Variants in ACKR3 observed in about 807,000 individuals in gnomAD.
ACKR3 encodes atypical chemokine receptor 3, also known as C-X-C chemokine receptor type 7.
Under a neutral mutation model 22.4 loss-of-function variants are expected in ACKR3, and 6 were observed. That is an observed-to-expected ratio of 0.27 (90% CI 0.15 to 0.53). The LOEUF (loss-of-function observed/expected upper bound fraction) is 0.53, where lower values mean the gene tolerates loss of function less well. Ranked by LOEUF, ACKR3 falls within the 20% of genes least tolerant of loss-of-function variation. The probability of loss-of-function intolerance (pLI) is 0.96; values close to 1 mark genes in which losing one functional copy is unlikely to be tolerated. For missense variants in ACKR3, 396 were observed against 475.2 expected, an observed-to-expected ratio of 0.83 and a Z score of 1.55; for synonymous variants, 209 against 205.2, an observed-to-expected ratio of 1.02 and a Z score of -0.16.
chr2:236,544,518 T>A, the ACKR3 span, among the ~76,000 whole-genome samples: 1 of 152,184 alleles, frequency 6.6e-6, no homozygotes, highest in Non-Finnish European at 1.5e-5. This position sits in a 1 kb window ranked among gnomAD's most constrained non-coding sequence, Gnocchi z 5.0. Flanking sequence ...GGGGGGCTGC[T>A]GTGCGAGCAC....
At chr2:236,541,419 G>T in the ACKR3 span, among the ~76,000 whole-genome samples, 69 of 152,258 alleles carry the variant, frequency 4.5e-4, no homozygotes, top group African/African-American at 1.6e-3. Flanking sequence ...CCCTGTCCAA[G>T]AACTGGGATT....
At chr2:236,544,889 A>G in the ACKR3 span, among the ~76,000 whole-genome samples, 23 of 152,340 alleles carry the variant, frequency 1.5e-4, no homozygotes, top group African/African-American at 5.3e-4. This position sits in a 1 kb window ranked among gnomAD's most constrained non-coding sequence, Gnocchi z 5.0. Flanking sequence ...TATAGAAGAC[A>G]GAATATGGAG....
the ACKR3 span, among the ~76,000 whole-genome samples, chr2:236,554,635 T>C: frequency 6.6e-6 from 1 of 152,100 alleles, no homozygotes; most frequent in African/African-American, 2.4e-5. Flanking sequence ...CATGGGGAAG[T>C]GTCTCATTAG....
At chr2:236,542,324 G>T in the ACKR3 span, among the ~76,000 whole-genome samples, 1 of 152,192 alleles carries the variant, frequency 6.6e-6, no homozygotes, top group Non-Finnish European at 1.5e-5. Context: ...TCAAGGAGCA[G>T]ATTGTTAAAC....
chr2:236,564,740 T>A (rs552583837), upstream of ACKR3, among the ~76,000 whole-genome samples: 1 of 152,278 alleles, frequency 6.6e-6, no homozygotes, highest in East Asian at 1.9e-4. Flanking sequence ...TGTTTTTCTT[T>A]TAAGAATATA....
At chr2:236,556,399 C>T in the ACKR3 span, among the ~76,000 whole-genome samples, 2 of 151,996 alleles carry the variant, frequency 1.3e-5, no homozygotes, top group Non-Finnish European at 2.9e-5. Flanking sequence ...TGATTAAGTT[C>T]AGGGTCTTGA....
the ACKR3 span, among the ~76,000 whole-genome samples, chr2:236,550,601 G>A: frequency 6.6e-6 from 1 of 152,170 alleles, no homozygotes; most frequent in Non-Finnish European, 1.5e-5. The surrounding 1 kb of genome is among the most constrained non-coding windows in gnomAD (Gnocchi z 4.6). Context: ...CTCTCAGAGA[G>A]CAAATGAATC....
At position 236,574,375 on chromosome 2, in the gene ACKR3, G is replaced by T. The variant is rs374691130; in HGVS notation, c.-27+4451G>T. Among the ~76,000 whole-genome samples, 138 of 152,276 alleles carry T rather than the reference G, an allele frequency of 9.1e-4. 2 individuals carry two copies. Among genetic ancestry groups the T allele is most frequent in the African/African-American group, 3.1e-3 (129 of 41,566 alleles). On this transcript the variant is annotated intron_variant, in intron 1 of 1. Coordinates refer to ENST00000272928, the MANE Select transcript of ACKR3 (RefSeq NM_020311.3). This position sits in a 1 kb window ranked among gnomAD's most constrained non-coding sequence, Gnocchi z 5.6. ...CAAAGTTACAGAAGACTTGGTGGGG[G>T]GTGCGGGGCCTGGTAGGAATGAGGT...
chr2:236,564,749 T>C (rs1691145152), upstream of ACKR3, among the ~76,000 whole-genome samples: 2 of 152,218 alleles, frequency 1.3e-5, no homozygotes, highest in African/African-American at 2.4e-5. Context: ...TTTAAGAATA[T>C]ATTTTTTCTG....
the ACKR3 span, among the ~76,000 whole-genome samples, chr2:236,548,573 T>C: frequency 6.6e-6 from 1 of 152,196 alleles, no homozygotes; most frequent in South Asian, 2.1e-4. This position sits in a 1 kb window ranked among gnomAD's most constrained non-coding sequence, Gnocchi z 4.3. Flanking sequence ...TGATCTGACT[T>C]CTCAGCTTTG....
upstream of ACKR3, among the ~76,000 whole-genome samples, chr2:236,565,457 A>G (rs555790989): frequency 2.6e-5 from 4 of 152,328 alleles, no homozygotes; most frequent in African/African-American, 9.6e-5. Flanking sequence ...TATATAGTCA[A>G]AGTCGAAACT....
chr2:236,541,529 G>T, the ACKR3 span, among the ~76,000 whole-genome samples: 1 of 152,150 alleles, frequency 6.6e-6, no homozygotes, highest in Non-Finnish European at 1.5e-5. Flanking sequence ...CTTCTTATTT[G>T]GTACTTTATT....
chr2:236,580,412 C>A (rs1413145300), intron 1 of ACKR3, 28 bp from the exon 2 acceptor site: 2 of 1,556,870 alleles, frequency 1.3e-6, no homozygotes, highest in Admixed American at 1.9e-5. Context: ...CCTCTTCCAT[C>A]TTTTTTGTTT....
At chr2:236,541,197 T>A in the ACKR3 span, among the ~76,000 whole-genome samples, 2 of 152,250 alleles carry the variant, frequency 1.3e-5, no homozygotes, top group Admixed American at 1.3e-4. Flanking sequence ...TGAAAGTTCT[T>A]AAAAATAAAG....
the ACKR3 span, among the ~76,000 whole-genome samples, chr2:236,544,023 C>T: frequency 1.5e-5 from 2 of 131,012 alleles, no homozygotes; most frequent in East Asian, 2.3e-4. The surrounding 1 kb of genome is among the most constrained non-coding windows in gnomAD (Gnocchi z 5.0). Context: ...CAGAGTCTTG[C>T]TCTGTCACCC....
At chr2:236,543,484 A>C in the ACKR3 span, among the ~76,000 whole-genome samples, 2 of 152,132 alleles carry the variant, frequency 1.3e-5, no homozygotes, top group African/African-American at 2.4e-5. Flanking sequence ...GAGAGTATAG[A>C]AAAAGGCTTG....
upstream of ACKR3, among the ~76,000 whole-genome samples, chr2:236,567,100 G>T (rs564471023): frequency 1.3e-5 from 2 of 152,256 alleles, no homozygotes; most frequent in South Asian, 2.1e-4. Flanking sequence ...CGCCTCCCGG[G>T]TTCAAGCGAT....
intron 1 of ACKR3, among the ~76,000 whole-genome samples, chr2:236,578,286 C>T (rs1488882550): frequency 6.6e-6 from 1 of 152,224 alleles, no homozygotes; most frequent in Non-Finnish European, 1.5e-5. Flanking sequence ...TCTAGAGCTG[C>T]GTCTTAGGAC....
chr2:236,558,647 A>T, the ACKR3 span, among the ~76,000 whole-genome samples: 6 of 152,220 alleles, frequency 3.9e-5, no homozygotes. Context: ...TGAGGGTGAC[A>T]GGATATGAGT....
Sources: allele counts gnomAD v4.1 joint callset (sites outside exome capture counted in the v4.1 genomes callset), GRCh38; gene constraint gnomAD v4.1.1; non-coding constraint Gnocchi (gnomAD v3.1); transcripts MANE v1.5; gene names NCBI Gene and HGNC (gene_info 2026-07-23, HGNC 2026-07-21).